Variants in FYN observed in about 807,000 individuals in gnomAD.
FYN encodes the protein FYN proto-oncogene, Src family tyrosine kinase.
Under a neutral mutation model 70.2 loss-of-function variants are expected in FYN, and 10 were observed. The ratio of observed to expected loss-of-function variants is 0.14; its 90% CI spans 0.09 to 0.24. The LOEUF is 0.24. Ranked by LOEUF, FYN falls within the 10% of genes least tolerant of loss-of-function variation. The pLI is 1.00. For missense variants in FYN, 319 were observed against 673.1 expected, an observed-to-expected ratio of 0.47 and a Z score of 5.82; for synonymous variants, 236 against 248.6, an observed-to-expected ratio of 0.95 and a Z score of 0.48.
intron 3 of FYN, among the ~76,000 whole-genome samples, chr6:111,766,862 G>A (rs1583423613): frequency 1.3e-5 from 2 of 152,090 alleles, no homozygotes; most frequent in Non-Finnish European, 2.9e-5. Context: ...ATGAGATCTG[G>A]GTGATGACAC....
chr6:111,696,596 T>C (rs1372925077), intron 9 of FYN, 140 bp from the exon 10 acceptor site: 1 of 567,668 alleles, frequency 1.8e-6, no homozygotes, highest in Non-Finnish European at 2.9e-6. Flanking sequence ...AGACATTCAA[T>C]TGCAAGGACT....
At chr6:111,673,129 G>A (rs769599596) in intron 13 of FYN, among the ~76,000 whole-genome samples, 4 of 152,166 alleles carry the variant, frequency 2.6e-5, no homozygotes, top group African/African-American at 4.8e-5. Flanking sequence ...ATAAAGAAGA[G>A]ATGCCTTCAC....
chr6:111,673,622 G>GTT lies in FYN; in HGVS notation c.1405+875_1405+876dup, dbSNP rs71021858. 2.0e-4 allele frequency among the ~76,000 whole-genome samples: 23 copies of GTT among 116,550 alleles called. 1 individual carries two copies. The highest frequency in any genetic ancestry group is 1.8e-3 in the Admixed American group (17 of 9,570). The allele number at this position is 116,550 out of a possible 152,430, so 76.5% of individuals were successfully genotyped here. A position where few individuals can be genotyped will look rare whatever the true frequency, so the allele number is the denominator to read the frequency against. ...AATCGTCACTATCGTTTCTATCATT[G>GTT]TTTTTTTTTTTTTTTTTTTCTTTAA... On this transcript the variant is annotated intron_variant, in intron 13 of 13. Transcript: ENST00000354650.
At chr6:111,723,548 G>A (rs1801051442) in intron 3 of FYN, among the ~76,000 whole-genome samples, 1 of 152,130 alleles carries the variant, frequency 6.6e-6, no homozygotes, top group Non-Finnish European at 1.5e-5. Flanking sequence ...ATCAGTAAAT[G>A]CAGTTTCAAG....
At chr6:111,680,673 G>A (rs1583298317) in intron 12 of FYN, among the ~76,000 whole-genome samples, 1 of 152,256 alleles carries the variant, frequency 6.6e-6, no homozygotes, top group East Asian at 1.9e-4. Flanking sequence ...TTAGCAATTG[G>A]GTAGATGATG....
At chr6:111,688,202 T>TG (rs1464386965) in intron 12 of FYN, among the ~76,000 whole-genome samples, 1 of 152,158 alleles carries the variant, frequency 6.6e-6, no homozygotes, top group Non-Finnish European at 1.5e-5. Flanking sequence ...ATGAGAAAGG[T>TG]GAGGCTCAGA....
intron 1 of FYN, among the ~76,000 whole-genome samples, chr6:111,850,544 C>T (rs1044765567): frequency 6.6e-6 from 1 of 152,166 alleles, no homozygotes; most frequent in Admixed American, 6.5e-5. Flanking sequence ...CGAGCGTGTC[C>T]ACAGGGACAA....
chr6:111,842,085 G>A (rs189955005), intron 2 of FYN, among the ~76,000 whole-genome samples: 20 of 152,082 alleles, frequency 1.3e-4, no homozygotes, highest in Admixed American at 9.8e-4. Flanking sequence ...GTCCCCAGTC[G>A]CCAGAAAAGT....
intron 9 of FYN, among the ~76,000 whole-genome samples, chr6:111,698,847 G>A (rs558912176): frequency 6.6e-6 from 1 of 152,330 alleles, no homozygotes; most frequent in Non-Finnish European, 1.5e-5. Context: ...CACTTTGGGA[G>A]GATGAAGCTG....
At position 111,709,574 on chromosome 6, in the gene FYN, C is replaced by T. The variant is rs555985246; in HGVS notation, c.345-1554G>A. ...ATGCTTTAATTTAGTTTCCTAATCT[C>T]TCCTTTTTACCCTATTACAAATCCA... On this transcript the variant is annotated intron_variant, in intron 5 of 13. Transcript: ENST00000354650. Among the ~76,000 whole-genome samples, 12 of 152,320 alleles carry T rather than the reference C, an allele frequency of 7.9e-5. No individual in the cohort carries two copies. The East Asian group carries it at 2.1e-3, about 27-fold the overall frequency.
chr6:111,725,362 C>G lies in FYN; in HGVS notation c.-11-5300G>C, dbSNP rs535826372. Among the ~76,000 whole-genome samples, 40 of 152,332 alleles carry G rather than the reference C, an allele frequency of 2.6e-4. No homozygotes were observed. In the South Asian group the frequency reaches 8.3e-3, roughly 32 times the overall value. ...CCCAAATTTCCTAATTTCCCAGCAC[C>G]TTTCAATCCTTTACAATGGGGCTTT... On this transcript the variant is annotated intron_variant, in intron 3 of 13. Coordinates refer to ENST00000354650, the MANE Select transcript of FYN (RefSeq NM_002037.5).
chr6:111,742,967 C>CTTT (rs111682950), intron 3 of FYN, among the ~76,000 whole-genome samples: 1 of 139,218 alleles, frequency 7.2e-6, no homozygotes, highest in African/African-American at 2.7e-5. Flanking sequence ...TGATAAGAAT[C>CTTT]TTTTTTTTTT....
intron 2 of FYN, among the ~76,000 whole-genome samples, chr6:111,791,453 G>A (rs1242201254): frequency 6.6e-6 from 1 of 152,190 alleles, no homozygotes; most frequent in Non-Finnish European, 1.5e-5. Context: ...TTTGGAAATA[G>A]GGTTGTTGCA....
At chr6:111,681,314 C>A (rs1798772674) in intron 12 of FYN, among the ~76,000 whole-genome samples, 3 of 152,122 alleles carry the variant, frequency 2.0e-5, no homozygotes, top group Non-Finnish European at 4.4e-5. Context: ...AGGCATGAGC[C>A]ACTGCACCTA....
chr6:111,735,975 T>C (rs759607160), intron 3 of FYN, among the ~76,000 whole-genome samples: 2 of 152,130 alleles, frequency 1.3e-5, no homozygotes, highest in Non-Finnish European at 2.9e-5. Context: ...GAGTGAGAAA[T>C]AGGCTTGCAC....
chr6:111,725,165 A>G (rs940870255), intron 3 of FYN, among the ~76,000 whole-genome samples: 10 of 152,212 alleles, frequency 6.6e-5, no homozygotes, highest in Non-Finnish European at 1.5e-4. Flanking sequence ...AGAAACACCC[A>G]TAAGAATCTA....
chr6:111,859,650 C>T (rs1006148223), intron 1 of FYN, among the ~76,000 whole-genome samples: 2 of 152,200 alleles, frequency 1.3e-5, no homozygotes, highest in African/African-American at 2.4e-5. Context: ...CATAGCACCA[C>T]GATACCTGCC....
At chr6:111,667,974 T>C (rs1301403262) in intron 13 of FYN, among the ~76,000 whole-genome samples, 1 of 152,260 alleles carries the variant, frequency 6.6e-6, no homozygotes, top group Non-Finnish European at 1.5e-5. Context: ...AAATTCCTTT[T>C]GCTAACTGAG....
At chr6:111,783,329 T>A (rs1771246031) in intron 2 of FYN, among the ~76,000 whole-genome samples, 1 of 152,174 alleles carries the variant, frequency 6.6e-6, no homozygotes, top group South Asian at 2.1e-4. Context: ...GTACTCTCCC[T>A]CCCCAATAAC....
Sources: allele counts gnomAD v4.1 joint callset (sites outside exome capture counted in the v4.1 genomes callset), GRCh38; gene constraint gnomAD v4.1.1; transcripts MANE v1.5; gene names NCBI Gene and HGNC (gene_info 2026-07-23, HGNC 2026-07-21).